LINGO1: variants seen among roughly 807,000 people sequenced by gnomAD.
LINGO1 encodes the protein leucine-rich repeat and immunoglobulin-like domain-containing nogo receptor-interacting protein 1.
A neutral mutation model predicts 37.3 loss-of-function variants in LINGO1; 11 were observed. The ratio of observed to expected loss-of-function variants is 0.29; its 90% CI spans 0.19 to 0.49. The LOEUF (loss-of-function observed/expected upper bound fraction) is 0.49, where lower values mean the gene tolerates loss of function less well. LINGO1 is among the 20% of genes least tolerant of loss of function. LINGO1 has a pLI of 0.99. For missense variants in LINGO1, 585 were observed against 878.2 expected, an observed-to-expected ratio of 0.67 and a Z score of 4.22; for synonymous variants, 387 against 403.0, an observed-to-expected ratio of 0.96 and a Z score of 0.48.
At chr15:77,635,613 G>A (rs2074380736), upstream of LINGO1, among the ~76,000 whole-genome samples, 1 of 145,706 alleles carries the variant, frequency 6.9e-6, no homozygotes, top group Admixed American at 6.6e-5. Context: ...AATGTTCCCC[G>A]CACCCCAGGC....
chr15:77,815,976 T>C (rs4243053), intron 1 of LINGO1, among the ~76,000 whole-genome samples: 125,597 of 152,112 alleles, frequency 0.83, 52,770 homozygotes, highest in Admixed American at 0.9. Context: ...CCTTTGCCAG[T>C]GCCGTGCCAT....
chr15:77,729,722 T>C (rs1372630700), intron 2 of LINGO1, among the ~76,000 whole-genome samples: 1 of 152,230 alleles, frequency 6.6e-6, no homozygotes, highest in Non-Finnish European at 1.5e-5. Flanking sequence ...TCAAGGACTA[T>C]ATGCTGTTTT....
intron 3 of LINGO1, among the ~76,000 whole-genome samples, chr15:77,647,463 C>T (rs772793714): frequency 2.0e-5 from 3 of 151,950 alleles, no homozygotes; most frequent in East Asian, 1.9e-4. Flanking sequence ...TTGCAGGAGT[C>T]GTAGGATCCT....
chr15:77,709,647 T>A (rs1037856134), intron 2 of LINGO1, among the ~76,000 whole-genome samples: 1 of 152,226 alleles, frequency 6.6e-6, no homozygotes, highest in African/African-American at 2.4e-5. Context: ...GAAAGTGGCA[T>A]CACTGCTGAA....
chr15:77,623,716 G>A (rs548034439), intron 1 of LINGO1, among the ~76,000 whole-genome samples: 1 of 151,920 alleles, frequency 6.6e-6, no homozygotes. Flanking sequence ...GACCCCCATG[G>A]GGACAGAAAA....
At chr15:77,811,295 T>A (rs1001256805) in intron 1 of LINGO1, among the ~76,000 whole-genome samples, 4 of 152,202 alleles carry the variant, frequency 2.6e-5, no homozygotes, top group Admixed American at 2.6e-4. Flanking sequence ...ACGCTGCAGT[T>A]CCTGATTAAT....
chr15:77,760,933 T>TA (rs1303875789), intron 1 of LINGO1, among the ~76,000 whole-genome samples: 1 of 82,378 alleles, frequency 1.2e-5, no homozygotes, highest in Non-Finnish European at 2.5e-5. Flanking sequence ...TTTTTTTTTT[T>TA]TTTTTTTTTT....
intron 1 of LINGO1, among the ~76,000 whole-genome samples, chr15:77,811,582 G>A (rs2077006284): frequency 6.6e-6 from 1 of 152,222 alleles, no homozygotes; most frequent in South Asian, 2.1e-4. Context: ...GGTGGCCGGG[G>A]CCTCAGGGCC....
chr15:77,641,315 G>A (rs545500221), intron 3 of LINGO1, among the ~76,000 whole-genome samples: 64 of 152,326 alleles, frequency 4.2e-4, no homozygotes, highest in South Asian at 1.9e-3. Flanking sequence ...CCTCTCCAGA[G>A]AGATTAAGAG....
Position 77,614,128 on chromosome 15 carries a change from G to C in LINGO1, c.1779C>G (p.Ile593Met). Residue 593 changes from isoleucine (I) to methionine (M), a missense_variant, in exon 2 of 2, where the codon ATC (isoleucine) becomes ATG (methionine). Ile to Met is a conservative substitution (Grantham distance 10, BLOSUM62 1). Around this residue, in one of 4 missense-constraint regions of LINGO1, gnomAD observed 34 missense variants for 62.0 expected, o/e 0.55. Coordinates refer to ENST00000355300, the MANE Select transcript of LINGO1 (RefSeq NM_032808.7). Reference protein sequence around the residue: ...SRGKGNTKHNIEIEYVPRKSD... With the variant: ...SRGKGNTKHNMEIEYVPRKSD... ...ACTTTCGGGGCACATACTCGATCTC[G>C]ATGTTGTGCTTTGTGTTGCCCTTGC... 1 of 1,613,998 alleles carries C rather than the reference G, an allele frequency of 6.2e-7. No homozygotes were observed. Among genetic ancestry groups the C allele is most frequent in the Non-Finnish European group, 8.5e-7 (1 of 1,179,894 alleles).
chr15:77,632,477 T>G lies in LINGO1; in HGVS notation c.-162A>C. 7.6e-6 allele frequency: 5 copies of G among 658,344 alleles called. No individual in the cohort carries two copies. Among genetic ancestry groups the G allele is most frequent in the Admixed American group, 4.6e-5 (1 of 21,604 alleles). 40.8% of individuals were successfully genotyped at this position (658,344 alleles called of 1,614,324 possible). A position where few individuals can be genotyped will look rare whatever the true frequency, so the allele number is the denominator to read the frequency against. On this transcript the variant is annotated 5_prime_UTR_variant, in exon 1 of 2. Coordinates refer to ENST00000355300, the MANE Select transcript of LINGO1 (RefSeq NM_032808.7). This position sits in a 1 kb window ranked among gnomAD's most constrained non-coding sequence, Gnocchi z 6.0. ...GCCCTCGCGGGGCTGGCTGTCCGTC[T>G]GTCCGCCCCGCGCGGGCGGGAGCCG... is the stretch of plus-strand genomic sequence containing the variant.
At chr15:77,760,953 G>T (rs1399898928) in intron 1 of LINGO1, among the ~76,000 whole-genome samples, 1 of 125,446 alleles carries the variant, frequency 8.0e-6, no homozygotes, top group East Asian at 2.2e-4. Context: ...TGGAGACAAG[G>T]TCTCACTCTG....
upstream of LINGO1, among the ~76,000 whole-genome samples, chr15:77,790,884 G>A (rs1244786446): frequency 6.6e-6 from 1 of 152,226 alleles, no homozygotes; most frequent in African/African-American, 2.4e-5. Context: ...CCCTGTCCCT[G>A]AAGGTGTGCA....
At chr15:77,657,565 T>C (rs1432391159) in intron 3 of LINGO1, among the ~76,000 whole-genome samples, 1 of 152,136 alleles carries the variant, frequency 6.6e-6, no homozygotes, top group African/African-American at 2.4e-5. Flanking sequence ...GCTTGACCCC[T>C]AGGAGCACAC....
At chr15:77,814,834 G>C (rs2077035122) in intron 1 of LINGO1, among the ~76,000 whole-genome samples, 1 of 152,192 alleles carries the variant, frequency 6.6e-6, no homozygotes, top group African/African-American at 2.4e-5. Flanking sequence ...AGGGTTTGGG[G>C]ATATGTCACA....
upstream of LINGO1, among the ~76,000 whole-genome samples, chr15:77,635,253 C>A (rs1462501608): frequency 6.6e-6 from 1 of 152,240 alleles, no homozygotes; most frequent in Non-Finnish European, 1.5e-5. Flanking sequence ...AAAGACATGA[C>A]CCCTCCCAGC....
intron 1 of LINGO1, among the ~76,000 whole-genome samples, chr15:77,631,260 C>A (rs918042423): frequency 2.6e-5 from 4 of 152,206 alleles, no homozygotes; most frequent in African/African-American, 4.8e-5. Flanking sequence ...GAGGGCTGGG[C>A]GAGCAGGAAG....
At chr15:77,627,528 C>A (rs1416076330) in intron 1 of LINGO1, among the ~76,000 whole-genome samples, 1 of 152,192 alleles carries the variant, frequency 6.6e-6, no homozygotes, top group Non-Finnish European at 1.5e-5. Flanking sequence ...GAGGAGCAAG[C>A]ACACATTTGT....
chr15:77,793,389 T>C (rs1035613561), intron 2 of LINGO1, among the ~76,000 whole-genome samples: 5 of 152,160 alleles, frequency 3.3e-5, no homozygotes, highest in Non-Finnish European at 5.9e-5. Context: ...AAACCTGAGC[T>C]TCCTCCAGGA....
Sources: gnomAD v4.1 joint callset for allele counts (sites outside exome capture counted in the v4.1 genomes callset) on GRCh38, gnomAD v4.1.1 for gene constraint, gnomAD v4.1.1 regional missense constraint, Gnocchi (gnomAD v3.1) non-coding constraint, MANE v1.5 for transcripts, NCBI Gene and HGNC (gene_info 2026-07-23, HGNC 2026-07-21) for gene names.